SLC25A48: variants seen among roughly 807,000 people sequenced by gnomAD.
The protein encoded by SLC25A48 is CTC-321K16.1.
In SLC25A48, 29 loss-of-function variants were observed where a neutral mutation model predicts 32.2. The ratio of observed to expected loss-of-function variants is 0.90; its 90% confidence interval spans 0.67 to 1.23. SLC25A48 has a LOEUF of 1.23. SLC25A48 is among the 50% of genes most tolerant of loss of function. The probability of loss-of-function intolerance (pLI) is 0.00; values close to 1 mark genes in which losing one functional copy is unlikely to be tolerated. For synonymous variants in SLC25A48, 164 were observed against 172.3 expected (o/e 0.95, Z 0.38); for missense variants, 399 against 422.7 (o/e 0.94, Z 0.49).
intron 3 of SLC25A48, among the ~76,000 whole-genome samples, chr5:135,763,533 A>G (rs1010441511): frequency 1.3e-5 from 2 of 152,018 alleles, no homozygotes; most frequent in African/African-American, 4.8e-5. Flanking sequence ...GTGATATTCT[A>G]TGGAGGAGGA....
At chr5:135,880,239 C>A (rs566829956) in intron 7 of SLC25A48, 142 bp downstream of exon 7, 42 of 1,237,176 alleles carry the variant, frequency 3.4e-5, no homozygotes, top group Non-Finnish European at 4.4e-5. Flanking sequence ...GGGCTGCCAC[C>A]CTTTTCGTCA....
intron 4 of SLC25A48, 39 bp from the exon 5 acceptor site, chr5:135,871,422 C>T: frequency 1.3e-6 from 2 of 1,557,158 alleles, no homozygotes; most frequent in Non-Finnish European, 1.7e-6. Context: ...TCTCTTACAC[C>T]CTGGGTCACT....
chr5:135,788,522 A>G (rs1580880448), intron 3 of SLC25A48, among the ~76,000 whole-genome samples: 1 of 149,798 alleles, frequency 6.7e-6, no homozygotes, highest in East Asian at 2.0e-4. Flanking sequence ...CTCCCGCCAT[A>G]TGGTCCGTAA....
chr5:135,748,716 A>G (rs770075099), intron 3 of SLC25A48, among the ~76,000 whole-genome samples: 158 of 144,602 alleles, frequency 1.1e-3, no homozygotes, highest in Non-Finnish European at 2.0e-3. Context: ...GGCTTGAGAC[A>G]GGTAAATTTT....
chr5:135,640,235 GA>G (rs1481337230), intron 3 of SLC25A48, among the ~76,000 whole-genome samples: 1 of 152,156 alleles, frequency 6.6e-6, no homozygotes, highest in Admixed American at 6.5e-5. Flanking sequence ...ATTGAGAAAA[GA>G]AAGAGTTAAA....
At chr5:135,870,373 A>G (rs1476700705) in intron 4 of SLC25A48, among the ~76,000 whole-genome samples, 1 of 152,234 alleles carries the variant, frequency 6.6e-6, no homozygotes, top group African/African-American at 2.4e-5. Context: ...ATAGTAGAGA[A>G]GGATCCATAG....
intron 3 of SLC25A48, among the ~76,000 whole-genome samples, chr5:135,851,665 G>A (rs1482037320): frequency 1.3e-5 from 2 of 152,202 alleles, no homozygotes; most frequent in African/African-American, 4.8e-5. Context: ...GGTACAGTGT[G>A]CGCAGTGAGG....
chr5:135,781,867 A>T (rs1398221554), intron 3 of SLC25A48, among the ~76,000 whole-genome samples: 2 of 113,332 alleles, frequency 1.8e-5, no homozygotes, highest in East Asian at 4.4e-4. Context: ...ATCTAATTCT[A>T]TTATTGCAGG....
chr5:135,803,830 C>T (rs1561501285), intron 3 of SLC25A48, among the ~76,000 whole-genome samples: 1 of 151,574 alleles, frequency 6.6e-6, no homozygotes, highest in South Asian at 2.1e-4. Context: ...AGTGAGTGCA[C>T]ATCTTGTGTA....
intron 1 of SLC25A48, among the ~76,000 whole-genome samples, chr5:135,602,132 C>T (rs766938907): frequency 4.6e-5 from 7 of 152,132 alleles, no homozygotes; most frequent in Non-Finnish European, 7.3e-5. Context: ...ATACAGTGAG[C>T]CTATAACATG....
intron 3 of SLC25A48, among the ~76,000 whole-genome samples, chr5:135,647,481 A>G (rs1202359725): frequency 6.6e-6 from 1 of 151,826 alleles, no homozygotes; most frequent in Non-Finnish European, 1.5e-5. Context: ...CTCTAAAAAC[A>G]TCTTGTCCCC....
intron 3 of SLC25A48, among the ~76,000 whole-genome samples, chr5:135,785,469 G>A (rs1036705052): frequency 1.1e-4 from 16 of 147,060 alleles, no homozygotes; most frequent in African/African-American, 4.0e-4. Flanking sequence ...CCCCATGGAT[G>A]GTAATATCCA....
At chr5:135,712,413 G>A (rs914559659) in intron 3 of SLC25A48, among the ~76,000 whole-genome samples, 6 of 152,098 alleles carry the variant, frequency 3.9e-5, no homozygotes, top group Non-Finnish European at 8.8e-5. Context: ...CTCTGTTTCT[G>A]GTGACTTCCT....
chr5:135,698,968 G>A lies in SLC25A48; in HGVS notation c.-521+64012G>A, dbSNP rs577358391. Among the ~76,000 whole-genome samples, 9 of 152,294 alleles carry A rather than the reference G, an allele frequency of 5.9e-5. No individual in the cohort carries two copies. In the East Asian group the frequency reaches 1.5e-3, roughly 26 times the overall value. Reference sequence around the variant, plus strand: ...CCAGATCATTAGTCATCAGGGAAATGCAAATCAAACCCATCCTAAAATATT... The same window carrying A: ...CCAGATCATTAGTCATCAGGGAAATACAAATCAAACCCATCCTAAAATATT... On this transcript the variant is annotated intron_variant, in intron 3 of 10. Coordinates refer to the SLC25A48 transcript ENST00000646290.
intron 3 of SLC25A48, among the ~76,000 whole-genome samples, chr5:135,786,928 A>G (rs1453846278): frequency 6.6e-6 from 1 of 152,054 alleles, no homozygotes; most frequent in Non-Finnish European, 1.5e-5. Context: ...CTGTGATATT[A>G]TTTGTAAAAT....
chr5:135,795,917 A>G (rs1032542118), intron 3 of SLC25A48, among the ~76,000 whole-genome samples: 4 of 138,996 alleles, frequency 2.9e-5, no homozygotes, highest in African/African-American at 1.1e-4. Context: ...TGAGGGTGAT[A>G]TTACTCCCCA....
chr5:135,856,108 T>C (rs1259486128), intron 4 of SLC25A48, among the ~76,000 whole-genome samples: 1 of 152,198 alleles, frequency 6.6e-6, no homozygotes, highest in African/African-American at 2.4e-5. Flanking sequence ...GAGACGTATT[T>C]CAGTACCTTG....
intron 3 of SLC25A48, among the ~76,000 whole-genome samples, chr5:135,644,785 C>T (rs911723950): frequency 1.3e-5 from 2 of 152,114 alleles, no homozygotes; most frequent in South Asian, 2.1e-4. Flanking sequence ...TCCTCATGCC[C>T]GGGAGGTCAC....
At chr5:135,826,852 G>C (rs1273693832) in intron 4 of SLC25A48, 1 of 152,190 alleles carries the variant, frequency 6.6e-6, no homozygotes, top group Non-Finnish European at 1.5e-5. Context: ...TTCCTCAGTG[G>C]GTCTATGCAT....
Sources: allele counts gnomAD v4.1 joint callset (sites outside exome capture counted in the v4.1 genomes callset), GRCh38; gene constraint gnomAD v4.1.1; transcripts MANE v1.5; gene names NCBI Gene and HGNC (gene_info 2026-07-23, HGNC 2026-07-21).